PDE10A: variants seen among roughly 807,000 people sequenced by gnomAD.
The protein encoded by PDE10A is cAMP and cAMP-inhibited cGMP 3',5'-cyclic phosphodiesterase 10A.
A neutral mutation model predicts 97.7 loss-of-function variants in PDE10A; 39 were observed. The observed-to-expected ratio is 0.40, with a 90% CI of 0.31 to 0.52. The LOEUF (loss-of-function observed/expected upper bound fraction) is 0.52. PDE10A is among the 20% of genes least tolerant of loss of function. The probability of loss-of-function intolerance (pLI) is 0.56; values close to 1 mark genes in which losing one functional copy is unlikely to be tolerated. For synonymous variants in PDE10A, 371 were observed against 376.8 expected, an observed-to-expected ratio of 0.98 and a Z score of 0.18; for missense variants, 731 against 1,047.8, an observed-to-expected ratio of 0.70 and a Z score of 4.17.
At chr6:165,398,412 C>A (rs1289997072) in intron 13 of PDE10A, among the ~76,000 whole-genome samples, 1 of 149,698 alleles carries the variant, frequency 6.7e-6, no homozygotes, top group Non-Finnish European at 1.5e-5. Context: ...ACCAGGGAGG[C>A]AAGAGGTGGA....
intron 1 of PDE10A, among the ~76,000 whole-genome samples, chr6:165,657,827 C>T (rs927158286): frequency 6.6e-6 from 1 of 152,190 alleles, no homozygotes; most frequent in Non-Finnish European, 1.5e-5. Context: ...TTCTGATTTC[C>T]TTACCAAAAA....
At chr6:165,692,094 G>C (rs1195732103) in intron 1 of PDE10A, among the ~76,000 whole-genome samples, 1 of 152,194 alleles carries the variant, frequency 6.6e-6, no homozygotes, top group African/African-American at 2.4e-5. Flanking sequence ...TAGTCACAGG[G>C]TTAATCCTCA....
chr6:165,541,497 A>T (rs541576834), intron 2 of PDE10A, among the ~76,000 whole-genome samples: 1 of 152,306 alleles, frequency 6.6e-6, no homozygotes, highest in Admixed American at 6.5e-5. Flanking sequence ...AAAATTCAAG[A>T]GTTAGTTTTT....
chr6:165,750,132 C>A (rs1212934465), intron 1 of PDE10A, among the ~76,000 whole-genome samples: 1 of 152,026 alleles, frequency 6.6e-6, no homozygotes, highest in East Asian at 1.9e-4. Flanking sequence ...GGGCACAGGG[C>A]AGAAGTGGAG....
At chr6:165,724,813 G>A (rs186228968) in intron 1 of PDE10A, among the ~76,000 whole-genome samples, 1 of 152,200 alleles carries the variant, frequency 6.6e-6, no homozygotes, top group Non-Finnish European at 1.5e-5. Flanking sequence ...AGAGACTCCT[G>A]ACCATTTATG....
At chr6:165,610,538 A>G (rs1345282805) in intron 1 of PDE10A, among the ~76,000 whole-genome samples, 1 of 151,850 alleles carries the variant, frequency 6.6e-6, no homozygotes, top group African/African-American at 2.4e-5. Flanking sequence ...CTCAAAAAAA[A>G]AAAAAAAAAA....
intron 1 of PDE10A, among the ~76,000 whole-genome samples, chr6:165,786,638 A>G (rs1237916256): frequency 6.6e-6 from 1 of 152,144 alleles, no homozygotes; most frequent in Non-Finnish European, 1.5e-5. Flanking sequence ...ATCTCACCAC[A>G]TGGCACTTCA....
At chr6:165,842,433 A>G (rs1346053135) in intron 1 of PDE10A, among the ~76,000 whole-genome samples, 1 of 152,248 alleles carries the variant, frequency 6.6e-6, no homozygotes, top group Non-Finnish European at 1.5e-5. Flanking sequence ...TATGCTAAAG[A>G]AACGTAGGCA....
At chr6:165,855,175 G>A (rs1322816003) in intron 1 of PDE10A, among the ~76,000 whole-genome samples, 2 of 152,072 alleles carry the variant, frequency 1.3e-5, no homozygotes, top group Non-Finnish European at 2.9e-5. Flanking sequence ...GCCCACAGCA[G>A]CTACCCCAGG....
chr6:165,860,659 T>G (rs1780877340), intron 1 of PDE10A, among the ~76,000 whole-genome samples: 1 of 152,176 alleles, frequency 6.6e-6, no homozygotes, highest in Admixed American at 6.5e-5. Context: ...AGTGTTGATT[T>G]TGCGGTTATA....
At chr6:165,344,710 A>T (rs1782194690) in intron 18 of PDE10A, among the ~76,000 whole-genome samples, 1 of 152,212 alleles carries the variant, frequency 6.6e-6, no homozygotes, top group Admixed American at 6.5e-5. Context: ...CATCGATCAC[A>T]GAGTTCTTTA....
intron 1 of PDE10A, among the ~76,000 whole-genome samples, chr6:165,791,948 A>G (rs910182524): frequency 3.9e-5 from 6 of 152,126 alleles, no homozygotes; most frequent in African/African-American, 7.2e-5. Flanking sequence ...ACACACATAC[A>G]AGACTCTCAG....
At chr6:165,407,903 A>T (rs1026299357) in intron 13 of PDE10A, among the ~76,000 whole-genome samples, 3 of 152,214 alleles carry the variant, frequency 2.0e-5, no homozygotes, top group African/African-American at 7.2e-5. Flanking sequence ...CAATAAATGA[A>T]AGAGAGATGC....
At chr6:165,822,489 A>G (rs747366911) in intron 1 of PDE10A, among the ~76,000 whole-genome samples, 2 of 152,238 alleles carry the variant, frequency 1.3e-5, no homozygotes, top group Non-Finnish European at 2.9e-5. Context: ...TGGATGGTGT[A>G]GCCCATTGCT....
intron 1 of PDE10A, chr6:165,909,014 T>C (rs1782382050): frequency 6.6e-6 from 1 of 152,160 alleles, no homozygotes; most frequent in Non-Finnish European, 1.5e-5. Flanking sequence ...CATTTTGGGT[T>C]TGGAGCTGTG....
intron 1 of PDE10A, among the ~76,000 whole-genome samples, chr6:165,613,338 G>A (rs1787583115): frequency 6.6e-6 from 1 of 152,028 alleles, no homozygotes; most frequent in African/African-American, 2.4e-5. Context: ...GAATTTCAGA[G>A]GTTATAAAAC....
intron 1 of PDE10A, among the ~76,000 whole-genome samples, chr6:165,680,296 A>G (rs1380170058): frequency 1.3e-5 from 2 of 152,210 alleles, no homozygotes; most frequent in Non-Finnish European, 2.9e-5. Flanking sequence ...CTATAATTCA[A>G]GTGAGTTGCT....
rs71026688 is a variant in PDE10A at position 165,411,086 on chromosome 6, CAAAAAAAA to C, written c.2076+2407_2076+2414del. 7.0e-5 allele frequency among the ~76,000 whole-genome samples: 3 copies of C among 43,086 alleles called. 1 individual carries two copies. The highest frequency in any genetic ancestry group is 2.1e-3 in the South Asian group (2 of 942). The allele number at this position is 43,086 out of a possible 152,430, so 28.3% of individuals were successfully genotyped here. A position where few individuals can be genotyped will look rare whatever the true frequency, so the allele number is the denominator to read the frequency against. ...TGGGCAACAGAGCGAGACTCCGCCT[CAAAAAAAA>C]AAAAAAAAAAAAAAAGAAATATCCT... On this transcript the variant is annotated intron_variant, in intron 13 of 21. Coordinates refer to ENST00000539869, the MANE Select transcript of PDE10A (RefSeq NM_001385079.1).
intron 13 of PDE10A, among the ~76,000 whole-genome samples, chr6:165,399,649 C>A (rs1288465973): frequency 6.7e-6 from 1 of 150,194 alleles, no homozygotes; most frequent in Non-Finnish European, 1.5e-5. Flanking sequence ...TTGTTCAATT[C>A]CCACCTATGA....
Sources: allele counts gnomAD v4.1 joint callset (sites outside exome capture counted in the v4.1 genomes callset), GRCh38; gene constraint gnomAD v4.1.1; transcripts MANE v1.5; gene names NCBI Gene and HGNC (gene_info 2026-07-23, HGNC 2026-07-21).